CRYM: variants seen among roughly 807,000 people sequenced by gnomAD.
CRYM encodes ketimine reductase mu-crystallin.
A neutral mutation model predicts 32.9 loss-of-function variants in CRYM; 18 were observed. The ratio of observed to expected loss-of-function variants is 0.55; its 90% confidence interval spans 0.38 to 0.81. CRYM has a LOEUF of 0.81. Among genes scored for constraint, CRYM ranks in the 30% least tolerant of loss-of-function variants. CRYM has a pLI of 0.00. For synonymous variants in CRYM, 153 were observed against 152.4 expected (o/e 1.00, Z -0.03); for missense variants, 337 against 393.5 (o/e 0.86, Z 1.21).
At chr16:21,259,350 C>T (rs1397595518) in intron 7 of CRYM, among the ~76,000 whole-genome samples, 2 of 151,956 alleles carry the variant, frequency 1.3e-5, no homozygotes, top group Admixed American at 6.6e-5. Flanking sequence ...TCAGGCGATC[C>T]GCCCACCTCG....
upstream of CRYM, among the ~76,000 whole-genome samples, chr16:21,282,988 T>A (rs2093400790): frequency 6.6e-6 from 1 of 152,192 alleles, no homozygotes; most frequent in Non-Finnish European, 1.5e-5. Context: ...ATTAATAAAC[T>A]TTTTAGTAAT....
At chr16:21,300,199 A>G in intron 1 of CRYM, among the ~76,000 whole-genome samples, 1 of 152,116 alleles carries the variant, frequency 6.6e-6, no homozygotes, top group Non-Finnish European at 1.5e-5. Context: ...GCCTCCTCTC[A>G]CTTTCTCAAT....
At chr16:21,273,023 T>A (rs1397391425) in intron 3 of CRYM, among the ~76,000 whole-genome samples, 3 of 151,986 alleles carry the variant, frequency 2.0e-5, no homozygotes, top group African/African-American at 7.3e-5. Flanking sequence ...CTGTACTACA[T>A]GAGGGCAAGT....
At chr16:21,279,077 G>C (rs2093393458), upstream of CRYM, 1 of 152,208 alleles carries the variant, frequency 6.6e-6, no homozygotes, top group African/African-American at 2.4e-5. Context: ...AGATGATTTT[G>C]ACCTGGAGTG....
At chr16:21,280,547 G>C (rs1180239377), upstream of CRYM, among the ~76,000 whole-genome samples, 1 of 152,126 alleles carries the variant, frequency 6.6e-6, no homozygotes, top group Non-Finnish European at 1.5e-5. Context: ...CCCTTTTAGA[G>C]TTTAGACACA....
chr16:21,274,296 G>C (rs1431733216), intron 3 of CRYM, among the ~76,000 whole-genome samples: 3 of 152,088 alleles, frequency 2.0e-5, no homozygotes, highest in Non-Finnish European at 4.4e-5. Flanking sequence ...CCTCTGCCTG[G>C]AGTGCCCCTC....
intron 1 of CRYM, among the ~76,000 whole-genome samples, chr16:21,301,506 G>C (rs1428134536): frequency 6.6e-6 from 1 of 152,150 alleles, no homozygotes; most frequent in Non-Finnish European, 1.5e-5. Context: ...CGAGGAAGCA[G>C]GGAAGAAGTA....
chr16:21,281,992 G>A (rs988524514), upstream of CRYM, among the ~76,000 whole-genome samples: 1 of 152,108 alleles, frequency 6.6e-6, no homozygotes, highest in Non-Finnish European at 1.5e-5. Context: ...ATATGGTTTG[G>A]CTCCATGTCC....
intron 2 of CRYM, among the ~76,000 whole-genome samples, chr16:21,275,995 A>G (rs1183259245): frequency 6.6e-6 from 1 of 152,222 alleles, no homozygotes; most frequent in Non-Finnish European, 1.5e-5. Context: ...GACAACGGCC[A>G]TGAAACTCTT....
At chr16:21,279,237 A>T (rs2093393810), upstream of CRYM, among the ~76,000 whole-genome samples, 2 of 152,232 alleles carry the variant, frequency 1.3e-5, no homozygotes, top group South Asian at 4.1e-4. Context: ...ATTTAATTAT[A>T]CAACAACCTC....
rs192596991 is a variant in CRYM at position 21,277,539 on chromosome 16, C to T, written c.216G>A (p.Leu72=). 1.2e-6 allele frequency: 2 copies of T among 1,613,960 alleles called. No individual in the cohort carries two copies. Among genetic ancestry groups the T allele is most frequent in the East Asian group, 2.2e-5 (1 of 44,880 alleles). Residue 72 remains leucine, a synonymous_variant, in exon 2 of 8, where the codon CTG becomes CTA. Transcript: ENST00000572914. The surrounding 1 kb of genome is among the most constrained non-coding windows in gnomAD (Gnocchi z 4.2). ...CGTAGAAGGTGACCAACTTGGTGGT[C>T]AGTGCATCCTCTGCAGCACTGTAGG... ...MPAYSAAEDA[L]TTKLVTFYED...
intron 1 of CRYM, among the ~76,000 whole-genome samples, chr16:21,290,313 G>A (rs932638042): frequency 1.2e-4 from 18 of 152,246 alleles, no homozygotes; most frequent in African/African-American, 3.9e-4. Flanking sequence ...CGAACCCACC[G>A]GGAGGGACAA....
Position 21,277,971 on chromosome 16 carries a change from AGCAACGGTTAGGCAAGCC to A in CRYM, c.170+93_170+110del, listed in dbSNP as rs2093390399. 3.1e-6 allele frequency: 4 copies of A among 1,279,902 alleles called. No individual in the cohort carries two copies. Among genetic ancestry groups the A allele is most frequent in the Non-Finnish European group, 4.3e-6 (4 of 939,542 alleles). 79.3% of individuals were successfully genotyped at this position (1,279,902 alleles called of 1,614,324 possible). A position where few individuals can be genotyped will look rare whatever the true frequency, so the allele number is the denominator to read the frequency against. On this transcript the variant is annotated intron_variant, in intron 1 of 7. Coordinates refer to ENST00000572914, the MANE Select transcript of CRYM (RefSeq NM_001376256.1). The surrounding 1 kb of genome is among the most constrained non-coding windows in gnomAD (Gnocchi z 4.2). The stretch of plus-strand genomic sequence containing the variant: ...GCGCCTATTAAAAGTGGCAGCTGTT[AGCAACGGTTAGGCAAGCC>A]GTCTCTTCCCTTCTCCCACCCCTCC...
chr16:21,274,021 TCGA>T (rs34962617), intron 3 of CRYM, among the ~76,000 whole-genome samples: 2,548 of 152,252 alleles, frequency 0.017, 93 homozygotes, highest in East Asian at 0.081. Flanking sequence ...CTAGAAAACC[TCGA>T]CATGCAACCT....
chr16:21,291,583 T>G (rs559391555), intron 1 of CRYM, among the ~76,000 whole-genome samples: 148 of 152,276 alleles, frequency 9.7e-4, no homozygotes, highest in African/African-American at 3.5e-3. Flanking sequence ...GGAAAGAATC[T>G]CTGTGATTAG....
intron 3 of CRYM, among the ~76,000 whole-genome samples, chr16:21,272,028 T>TC (rs2093376522): frequency 6.6e-6 from 1 of 150,500 alleles, no homozygotes; most frequent in East Asian, 1.9e-4. Context: ...TTGGCTAATT[T>TC]TTTTTTTTTT....
At chr16:21,299,632 A>C (rs530225027) in intron 1 of CRYM, among the ~76,000 whole-genome samples, 2 of 152,342 alleles carry the variant, frequency 1.3e-5, no homozygotes, top group Admixed American at 6.5e-5. Context: ...TAGAAGGCTC[A>C]GGTGTTTTAC....
chr16:21,287,528 G>T (rs1236897318), intron 1 of CRYM, among the ~76,000 whole-genome samples: 1 of 152,194 alleles, frequency 6.6e-6, no homozygotes, highest in African/African-American at 2.4e-5. Flanking sequence ...GTTGCCAGAG[G>T]AATCAACCAT....
At chr16:21,261,734 T>C (rs1354868450) in intron 6 of CRYM, 2 of 467,838 alleles carry the variant, frequency 4.3e-6, no homozygotes, top group South Asian at 2.1e-5. Flanking sequence ...GTTGGCCACA[T>C]TGGGAAGGTT....
Sources: gnomAD v4.1 joint callset for allele counts (sites outside exome capture counted in the v4.1 genomes callset) on GRCh38, gnomAD v4.1.1 for gene constraint, Gnocchi (gnomAD v3.1) non-coding constraint, MANE v1.5 for transcripts, NCBI Gene and HGNC (gene_info 2026-07-23, HGNC 2026-07-21) for gene names.